HESX1: variants seen among roughly 807,000 people sequenced by gnomAD.
HESX1 encodes homeobox expressed in ES cells 1.
A neutral mutation model predicts 22.5 loss-of-function variants in HESX1; 11 were observed. The observed-to-expected ratio is 0.49, with a 90% CI of 0.31 to 0.81. HESX1 has a LOEUF of 0.81. Ranked by LOEUF, HESX1 falls within the 30% of genes least tolerant of loss-of-function variation. The pLI, the probability that HESX1 is intolerant of heterozygous loss-of-function variation, is 0.05. For missense variants in HESX1, 201 were observed against 212.6 expected (o/e 0.95, Z 0.34); for synonymous variants, 74 against 76.5 (o/e 0.97, Z 0.17).
At chr3:57,201,875 ATATCTATCTATCTATC>A (rs759735344), upstream of HESX1, among the ~76,000 whole-genome samples, 584 of 131,928 alleles carry the variant, frequency 4.4e-3, 4 homozygotes, top group African/African-American at 0.011. Context: ...CTATCTATCT[ATATCTATCTATCTATC>A]TATCTATCTA....
upstream of HESX1, among the ~76,000 whole-genome samples, chr3:57,201,085 G>A (rs2060482878): frequency 6.6e-6 from 1 of 152,028 alleles, no homozygotes; most frequent in South Asian, 2.1e-4. Context: ...TTAAACAACT[G>A]CTGTTCTTTC....
Position 57,198,968 on chromosome 3 carries a change from T to A in HESX1, c.158-16A>T, listed in dbSNP as rs1285643613. The A allele has an allele frequency of 1.2e-6, 2 of 1,608,346 alleles. No homozygotes were observed. The highest frequency in any genetic ancestry group is 4.5e-5 in the East Asian group (2 of 44,828). ...CCATCTTTCCCTAAAAACAAAAAAA[T>A]AAGCCCTGTCTTAGATGGTCAATCT... On this transcript the variant is annotated splice_polypyrimidine_tract_variant and intron_variant, in intron 1 of 3. Transcript: ENST00000295934.
intron 1 of HESX1, among the ~76,000 whole-genome samples, chr3:57,199,347 G>A (rs1362088198): frequency 6.6e-6 from 1 of 152,134 alleles, no homozygotes; most frequent in African/African-American, 2.4e-5. Context: ...GGCTGGGCGT[G>A]GTGGGTCATG....
At chr3:57,201,468 A>G (rs1007500647), upstream of HESX1, among the ~76,000 whole-genome samples, 1 of 151,870 alleles carries the variant, frequency 6.6e-6, no homozygotes, top group Non-Finnish European at 1.5e-5. Flanking sequence ...GACATTCATT[A>G]TTTCCTTCCA....
chr3:57,222,851 A>G (rs993637412), intron 1 of HESX1, among the ~76,000 whole-genome samples: 4 of 152,250 alleles, frequency 2.6e-5, no homozygotes, highest in Non-Finnish European at 4.4e-5. Flanking sequence ...GTGATAAAAC[A>G]TTAGCAAGAG....
intron 1 of HESX1, among the ~76,000 whole-genome samples, chr3:57,222,327 C>T (rs1415445307): frequency 2.6e-5 from 4 of 152,262 alleles, no homozygotes; most frequent in South Asian, 4.1e-4. Flanking sequence ...GGCAAGATCA[C>T]GGCTCACTGC....
At chr3:57,201,066 A>T (rs2060482825), upstream of HESX1, among the ~76,000 whole-genome samples, 1 of 152,206 alleles carries the variant, frequency 6.6e-6, no homozygotes, top group Admixed American at 6.5e-5. Flanking sequence ...GCTTAGCTTT[A>T]TTCATTATTT....
chr3:57,201,738 C>T (rs1055781133), upstream of HESX1, among the ~76,000 whole-genome samples: 2 of 151,764 alleles, frequency 1.3e-5, no homozygotes, highest in South Asian at 2.1e-4. Context: ...CTAAGAGGCA[C>T]AAGGCAGAAG....
At chr3:57,208,441 G>A (rs2060532533) in intron 1 of HESX1, among the ~76,000 whole-genome samples, 1 of 151,894 alleles carries the variant, frequency 6.6e-6, no homozygotes, top group Admixed American at 6.6e-5. Context: ...CTGCCTCCCG[G>A]GTTCAAGCGA....
chr3:57,215,063 A>G (rs2060575984), intron 1 of HESX1, among the ~76,000 whole-genome samples: 1 of 152,206 alleles, frequency 6.6e-6, no homozygotes, highest in Non-Finnish European at 1.5e-5. Context: ...GTGATAAATG[A>G]TAAAGATCTA....
In HESX1 at chr3:57,198,805, T is replaced by A. The variant is rs1465556147; in HGVS notation, c.305A>T (p.Glu102Val). ...TCTTCGGCCTCTATACCAACTCAAC[T>A]CTCTTTTCAAAGACAGTCTTTCTGA... ...SASERLSLKR[E>V]LSWYRGRRPR... The change falls in exon 2 of 4, where the codon GAG (glutamate) becomes GTG (valine). Residue 102 changes from glutamate to valine, a missense_variant. Coordinates refer to ENST00000295934, the MANE Select transcript of HESX1 (RefSeq NM_003865.3). The A allele has an allele frequency of 6.2e-7, 1 of 1,613,972 alleles. No individual in the cohort carries two copies. Among genetic ancestry groups the A allele is most frequent in the Admixed American group, 1.7e-5 (1 of 59,988 alleles).
chr3:57,209,566 G>A (rs1391846979), intron 1 of HESX1, among the ~76,000 whole-genome samples: 2 of 151,536 alleles, frequency 1.3e-5, no homozygotes, highest in Non-Finnish European at 2.9e-5. Flanking sequence ...GAACTCCGGA[G>A]GTGGAGGTTG....
At chr3:57,225,268 T>C (rs573324850) in intron 1 of HESX1, among the ~76,000 whole-genome samples, 5 of 152,334 alleles carry the variant, frequency 3.3e-5, no homozygotes, top group East Asian at 1.9e-4. Flanking sequence ...CTAGTACAAA[T>C]AGGTTAAAAC....
At chr3:57,206,198 C>CAAAA (rs2060518649) in intron 1 of HESX1, among the ~76,000 whole-genome samples, 1 of 151,882 alleles carries the variant, frequency 6.6e-6, no homozygotes, top group African/African-American at 2.4e-5. Flanking sequence ...CTCAAAAAAA[C>CAAAA]AAAAACAAAA....
intron 1 of HESX1, among the ~76,000 whole-genome samples, chr3:57,217,130 C>T (rs1376683524): frequency 6.6e-6 from 1 of 152,060 alleles, no homozygotes; most frequent in Non-Finnish European, 1.5e-5. Context: ...TCCAAGGAGC[C>T]CTCCAAGCTT....
chr3:57,211,550 A>AAAAAAAAAAAAAAAAC (rs1559500552), intron 1 of HESX1, among the ~76,000 whole-genome samples: 1 of 147,366 alleles, frequency 6.8e-6, no homozygotes. Flanking sequence ...AAAAAAAAAA[A>AAAAAAAAAAAAAAAAC]AGCCAGGCAT....
chr3:57,220,454 G>A (rs1362603623), intron 1 of HESX1, among the ~76,000 whole-genome samples: 2 of 152,144 alleles, frequency 1.3e-5, no homozygotes, highest in African/African-American at 2.4e-5. Flanking sequence ...TTCTGAGACA[G>A]ATTCTCACTC....
rs558090455 is a variant in HESX1 at position 57,226,072 on chromosome 3, T to A, written c.-111+224A>T. On this transcript the variant is annotated intron_variant, in intron 1 of 2. Coordinates refer to the HESX1 transcript ENST00000495160. ...TTTGTATTGTTAGTAGAGACTGGGTTTCGCCATGTTGGGCAGGCTGGTCTT... is the reference window on the plus strand; with the variant it reads ...TTTGTATTGTTAGTAGAGACTGGGTATCGCCATGTTGGGCAGGCTGGTCTT... Among the ~76,000 whole-genome samples, 18 of 152,018 alleles carry A rather than the reference T, an allele frequency of 1.2e-4. No homozygotes were observed. The East Asian group carries it at 2.9e-3, about 25-fold the overall frequency.
At chr3:57,218,021 T>C (rs1379855214) in intron 1 of HESX1, among the ~76,000 whole-genome samples, 1 of 152,196 alleles carries the variant, frequency 6.6e-6, no homozygotes, top group African/African-American at 2.4e-5. Context: ...ACTCCTACTT[T>C]ACCTGGCTGC....
Sources: allele counts gnomAD v4.1 joint callset (sites outside exome capture counted in the v4.1 genomes callset), GRCh38; gene constraint gnomAD v4.1.1; transcripts MANE v1.5; gene names NCBI Gene and HGNC (gene_info 2026-07-23, HGNC 2026-07-21).